Variants in SNTG2 observed in about 807,000 individuals in gnomAD.
SNTG2 encodes the protein syntrophin gamma 2, also known as gamma-2-syntrophin.
Under a neutral mutation model 70.9 loss-of-function variants are expected in SNTG2, and 74 were observed. The ratio of observed to expected loss-of-function variants is 1.04; its 90% CI spans 0.86 to 1.27. The LOEUF (loss-of-function observed/expected upper bound fraction) is 1.27, where lower values mean the gene tolerates loss of function less well. SNTG2 is among the 50% of genes most tolerant of loss of function. The pLI, the probability that SNTG2 is intolerant of heterozygous loss-of-function variation, is 0.00. For missense variants in SNTG2, 717 were observed against 690.7 expected (o/e 1.04, Z -0.43); for synonymous variants, 278 against 273.8 (o/e 1.02, Z -0.15).
Position 950,987 on chromosome 2 carries a change from A to G in SNTG2, c.-10A>G, listed in dbSNP as rs1325319969. 1 of 1,234,288 alleles carries G rather than the reference A, an allele frequency of 8.1e-7. No individual in the cohort carries two copies. Among genetic ancestry groups the G allele is most frequent in the Non-Finnish European group, 1.0e-6 (1 of 989,420 alleles). 76.5% of individuals were successfully genotyped at this position (1,234,288 alleles called of 1,614,324 possible). ...CGGCCCGGAGCGCGGACCCAGCCGC[A>G]GGGGCGGCGATGGGCACCGAGGGAC... On this transcript the variant is annotated 5_prime_UTR_variant, in exon 1 of 17. Coordinates refer to ENST00000308624, the MANE Select transcript of SNTG2 (RefSeq NM_018968.4).
intron 16 of SNTG2, among the ~76,000 whole-genome samples, chr2:1,319,968 A>G (rs1484476583): frequency 1.3e-5 from 2 of 152,256 alleles, no homozygotes; most frequent in Non-Finnish European, 2.9e-5. Flanking sequence ...CTTAAGAAAT[A>G]GGAACATTTT....
At chr2:967,855 C>T (rs935766079) in intron 1 of SNTG2, among the ~76,000 whole-genome samples, 2 of 151,998 alleles carry the variant, frequency 1.3e-5, no homozygotes, top group South Asian at 4.2e-4. Flanking sequence ...ATGGTGAAAC[C>T]CCATCTCTAC....
rs757020136 is a variant in SNTG2 at position 1,097,463 on chromosome 2, G to A, written c.211-733G>A. ...TAAAAGCACCCTTTGGCCACTGTCCGTCTACCCCAGGCTGCCTCTGTGCGC... is the reference window on the plus strand; with the variant it reads ...TAAAAGCACCCTTTGGCCACTGTCCATCTACCCCAGGCTGCCTCTGTGCGC... On this transcript the variant is annotated intron_variant, in intron 2 of 16. Transcript: ENST00000308624. This position sits in a 1 kb window ranked among gnomAD's most constrained non-coding sequence, Gnocchi z 4.1. 4.6e-5 allele frequency among the ~76,000 whole-genome samples: 7 copies of A among 152,094 alleles called. No homozygotes were observed. Among genetic ancestry groups the A allele is most frequent in the Non-Finnish European group, 8.8e-5 (6 of 68,026 alleles).
chr2:1,235,166 G>T (rs1558575626), intron 9 of SNTG2, among the ~76,000 whole-genome samples: 2 of 150,534 alleles, frequency 1.3e-5, no homozygotes, highest in African/African-American at 4.9e-5. Context: ...TTCATGAGAG[G>T]GGGCGCCCCT....
At chr2:1,341,069 C>T (rs1044610622) in intron 16 of SNTG2, 1 of 152,208 alleles carries the variant, frequency 6.6e-6, no homozygotes, top group Non-Finnish European at 1.5e-5. Context: ...ACGTGCCTTT[C>T]TGAGACCTTT....
rs1222476784 is a variant in SNTG2 at position 1,221,835 on chromosome 2, C to CTGCCTA, written c.719+12606_719+12607insGCCTAT. Among the ~76,000 whole-genome samples the CTGCCTA allele has an allele frequency of 3.0e-3, 25 of 8,356 alleles. 11 individuals are homozygous for CTGCCTA. The highest frequency in any genetic ancestry group is 0.018 in the East Asian group (8 of 450). 5.5% of individuals were successfully genotyped at this position (8,356 alleles called of 152,430 possible). Reference sequence around the variant, plus strand: ...TCTCGGTCTCTGTCTCTCTCTGTCTCTCTCTGTCTCTGTCTCTGTCTCTGT... The same window carrying CTGCCTA: ...TCTCGGTCTCTGTCTCTCTCTGTCTCTGCCTATCTCTGTCTCTGTCTCTGTCTCTGT... On this transcript the variant is annotated intron_variant, in intron 9 of 16. Transcript: ENST00000308624.
intron 1 of SNTG2, among the ~76,000 whole-genome samples, chr2:955,903 G>A (rs1660124204): frequency 6.6e-6 from 1 of 152,150 alleles, no homozygotes; most frequent in South Asian, 2.1e-4. Context: ...TGGTGCCAGG[G>A]AGGCCAAGGG....
intron 8 of SNTG2, among the ~76,000 whole-genome samples, chr2:1,190,495 CTATATATATATATATATATATATATATA>C (rs72001718): frequency 3.4e-4 from 31 of 90,806 alleles, no homozygotes; most frequent in Middle Eastern, 7.7e-3. Context: ...GGAGGGCTGA[CTATATATATATATATATATATATATATA>C]TATATATATA....
Position 1,289,768 on chromosome 2 carries a change from C to T in SNTG2, c.1285-18726C>T, listed in dbSNP as rs188904394. Among the ~76,000 whole-genome samples, 454 of 152,316 alleles carry T rather than the reference C, an allele frequency of 3.0e-3. 1 individual carries two copies. Among genetic ancestry groups the T allele is most frequent in the Non-Finnish European group, 5.1e-3 (344 of 68,024 alleles). On this transcript the variant is annotated intron_variant, in intron 14 of 16. Transcript: ENST00000308624. Reference sequence around the variant, plus strand: ...CTGTCATCTTGCAAAGCCGAAGCTCCATTGCCACTAAACACCAGCTCCCCG... The same window carrying T: ...CTGTCATCTTGCAAAGCCGAAGCTCTATTGCCACTAAACACCAGCTCCCCG...
chr2:1,227,020 G>A (rs776070757), intron 9 of SNTG2, among the ~76,000 whole-genome samples: 1 of 152,222 alleles, frequency 6.6e-6, no homozygotes, highest in East Asian at 1.9e-4. Context: ...GGTGCCCTGC[G>A]TGCTGTCTGC....
chr2:1,072,752 C>T (rs1274759982), intron 1 of SNTG2, among the ~76,000 whole-genome samples: 1 of 152,090 alleles, frequency 6.6e-6, no homozygotes, highest in African/African-American at 2.4e-5. Flanking sequence ...TCTGATGGAT[C>T]TGGGCAAAGT....
At chr2:1,078,191 G>A (rs1249134833) in intron 1 of SNTG2, among the ~76,000 whole-genome samples, 1 of 152,222 alleles carries the variant, frequency 6.6e-6, no homozygotes, top group Non-Finnish European at 1.5e-5. Flanking sequence ...GGATATGCCA[G>A]GCTGGGCTGT....
At chr2:1,083,678 A>G in intron 2 of SNTG2, 23 bp downstream of exon 2, 1 of 1,613,034 alleles carries the variant, frequency 6.2e-7, no homozygotes, top group Non-Finnish European at 8.5e-7. Context: ...ACTTCAGGGA[A>G]GTCTTGGAGT....
chr2:1,001,627 A>G (rs1188183519), intron 1 of SNTG2, among the ~76,000 whole-genome samples: 2 of 152,040 alleles, frequency 1.3e-5, no homozygotes, highest in Non-Finnish European at 2.9e-5. Context: ...GAAACAAACA[A>G]ATGGAAAAAC....
intron 16 of SNTG2, among the ~76,000 whole-genome samples, chr2:1,347,117 C>T (rs559569813): frequency 1.3e-5 from 2 of 152,244 alleles, no homozygotes; most frequent in Non-Finnish European, 2.9e-5. Flanking sequence ...GCTCAGTACT[C>T]GGAACAGGAA....
intron 1 of SNTG2, among the ~76,000 whole-genome samples, chr2:995,572 A>G (rs1661651181): frequency 6.6e-6 from 1 of 152,096 alleles, no homozygotes; most frequent in Admixed American, 6.5e-5. Context: ...CCCATAGAAT[A>G]AGTTGGAAAT....
At chr2:1,242,892 T>G (rs1017227472) in intron 11 of SNTG2, 1 of 152,222 alleles carries the variant, frequency 6.6e-6, no homozygotes, top group Non-Finnish European at 1.5e-5. Context: ...ACATCCTTAT[T>G]AAGGTGGTAC....
rs149339411 is a variant in SNTG2, at chr2:959,831, T to A, written c.72+8763T>A. Among the ~76,000 whole-genome samples the A allele has an allele frequency of 1.1e-3, 162 of 151,716 alleles. 1 individual carries two copies. The highest frequency in any genetic ancestry group is 3.6e-3 in the African/African-American group (149 of 41,310). ...TTTATTCCTTTGATGTTTGTATGAA[T>A]AGTGGCATGGTATCCGTATCTCAGT... On this transcript the variant is annotated intron_variant, in intron 1 of 16. Transcript: ENST00000308624.
chr2:1,266,873 C>T (rs1356324567), intron 13 of SNTG2, among the ~76,000 whole-genome samples: 1 of 151,234 alleles, frequency 6.6e-6, no homozygotes, highest in East Asian at 2.0e-4. Flanking sequence ...ACTACCTCAG[C>T]CTCCCAAATA....
Sources: allele counts gnomAD v4.1 joint callset (sites outside exome capture counted in the v4.1 genomes callset), GRCh38; gene constraint gnomAD v4.1.1; non-coding constraint Gnocchi (gnomAD v3.1); transcripts MANE v1.5; gene names NCBI Gene and HGNC (gene_info 2026-07-23, HGNC 2026-07-21).